CREBBP: variants seen among roughly 807,000 people sequenced by gnomAD.
CREBBP encodes CREB-binding protein.
In CREBBP, 19 loss-of-function variants were observed where a neutral mutation model predicts 265.0. That is an observed-to-expected ratio of 0.07 (90% CI 0.05 to 0.11). CREBBP has a LOEUF of 0.11. CREBBP is among the 10% of genes least tolerant of loss of function. CREBBP has a pLI of 1.00. For synonymous variants in CREBBP, 1,457 were observed against 1,223.7 expected (o/e 1.19, Z -3.98); for missense variants, 2,525 against 3,219.0 (o/e 0.78, Z 5.22).
Position 3,791,789 on chromosome 16 carries a change from T to A in CREBBP, c.1330+192A>T, listed in dbSNP as rs1006435729. 1.4e-4 allele frequency among the ~76,000 whole-genome samples: 22 copies of A among 152,176 alleles called. 1 individual carries two copies. Among genetic ancestry groups the A allele is most frequent in the African/African-American group, 5.3e-4 (22 of 41,454 alleles). On this transcript the variant is annotated intron_variant, in intron 5 of 30. Coordinates refer to ENST00000262367, the MANE Select transcript of CREBBP (RefSeq NM_004380.3). ...GTGAGTGAGTCAGGGTCCAACATTA[T>A]CACAGCCGTTCCTGACACGGAGAGC...
At chr16:3,768,018 C>T in intron 15 of CREBBP, 109 bp from the exon 16 acceptor site, 1 of 986,476 alleles carries the variant, frequency 1.0e-6, no homozygotes, top group South Asian at 1.3e-5. Context: ...AAACCTTCCT[C>T]TAGTCAGAGT....
chr16:3,831,301 T>A (rs904374093), intron 2 of CREBBP, among the ~76,000 whole-genome samples: 6 of 152,168 alleles, frequency 3.9e-5, no homozygotes, highest in African/African-American at 1.4e-4. Context: ...ATGTAAAATA[T>A]AAACATATTT....
At chr16:3,730,088 A>G (rs2051872485) in intron 30 of CREBBP, among the ~76,000 whole-genome samples, 1 of 139,010 alleles carries the variant, frequency 7.2e-6, no homozygotes, top group South Asian at 2.1e-4. Flanking sequence ...GGGATCATGG[A>G]CAACATGGGA....
chr16:3,741,030 G>A (rs1196939644), intron 23 of CREBBP: 2 of 227,854 alleles, frequency 8.8e-6, no homozygotes, highest in South Asian at 6.0e-5. Flanking sequence ...AGCCTGTCCG[G>A]TGCCTCAGGA....
intron 1 of CREBBP, 22 bp downstream of exon 1, chr16:3,879,809 GC>G: frequency 1.7e-6 from 2 of 1,206,016 alleles, no homozygotes; most frequent in Non-Finnish European, 1.2e-6. Context: ...CCGGGCCCCC[GC>G]CGCCCCGGAC....
At chr16:3,866,287 G>A (rs2055177760) in intron 1 of CREBBP, among the ~76,000 whole-genome samples, 1 of 152,204 alleles carries the variant, frequency 6.6e-6, no homozygotes, top group Non-Finnish European at 1.5e-5. Flanking sequence ...TGGCTGTCAT[G>A]TCTTGTGGCT....
intron 5 of CREBBP, among the ~76,000 whole-genome samples, chr16:3,783,841 A>G (rs527441352): frequency 6.6e-6 from 1 of 152,200 alleles, no homozygotes; most frequent in East Asian, 1.9e-4. Flanking sequence ...CTCCATCCCA[A>G]AGGGCTTCCA....
At chr16:3,858,963 T>C (rs2055018082) in intron 1 of CREBBP, among the ~76,000 whole-genome samples, 1 of 152,218 alleles carries the variant, frequency 6.6e-6, no homozygotes, top group African/African-American at 2.4e-5. Flanking sequence ...TTCATACTTC[T>C]CTGCTTTCCC....
intron 11 of CREBBP, among the ~76,000 whole-genome samples, chr16:3,774,943 G>A (rs1406315257): frequency 6.6e-6 from 1 of 152,148 alleles, no homozygotes; most frequent in Non-Finnish European, 1.5e-5. Flanking sequence ...AGGACATGAA[G>A]GCATAAGGTT....
rs780546762 is a variant in CREBBP, at chr16:3,731,188, C to T, written c.5172+4G>A. On this transcript the variant is annotated splice_donor_region_variant and intron_variant, in intron 30 of 30. Transcript: ENST00000262367. The surrounding 1 kb of genome is among the most constrained non-coding windows in gnomAD (Gnocchi z 7.7). The stretch of plus-strand genomic sequence containing the variant: ...GTGGGGGTGGGGGTGGGGGCAGGGC[C>T]TACCTCGCACACAGTGCAGTGCCAG... The T allele has an allele frequency of 3.1e-6, 5 of 1,609,194 alleles. No homozygotes were observed. The highest frequency in any genetic ancestry group is 3.3e-5 in the Admixed American group (2 of 59,962).
At chr16:3,761,397 G>GA (rs1487796183) in intron 16 of CREBBP, among the ~76,000 whole-genome samples, 3 of 152,198 alleles carry the variant, frequency 2.0e-5, no homozygotes, top group African/African-American at 7.2e-5. Flanking sequence ...GTGGGGTGGG[G>GA]ATGGTCTAAC....
At chr16:3,746,376 G>T (rs2052342956) in intron 21 of CREBBP, among the ~76,000 whole-genome samples, 1 of 151,828 alleles carries the variant, frequency 6.6e-6, no homozygotes, top group Non-Finnish European at 1.5e-5. Flanking sequence ...ACACACAAAT[G>T]GCGGCACCCG....
rs201934909 is a variant in CREBBP, at chr16:3,728,975, C to T, written c.6072G>A (p.Ala2024=). 35 of 1,595,478 alleles carry T rather than the reference C, an allele frequency of 2.2e-5. No homozygotes were observed. The East Asian group carries it at 2.5e-4, about 11-fold the overall frequency. ...GCATGGGCTGCTGCTGGGGAAGGGG[C>T]GCCTGCTGCCACTGCCCGGGAGGCA... ...PSMPPGQWQQ[A]PLPQQQPMPG... Residue 2024 remains alanine (A), a synonymous_variant, in exon 31 of 31, where the codon GCG becomes GCA. Coordinates refer to ENST00000262367, the MANE Select transcript of CREBBP (RefSeq NM_004380.3). The surrounding 1 kb of genome is among the most constrained non-coding windows in gnomAD (Gnocchi z 8.7).
chr16:3,862,724 G>A (rs1168641586), intron 1 of CREBBP, among the ~76,000 whole-genome samples: 1 of 151,936 alleles, frequency 6.6e-6, no homozygotes, highest in South Asian at 2.1e-4. Flanking sequence ...CGTACCTACC[G>A]AGGGGCTCCT....
At chr16:3,740,692 C>T (rs1222889988) in intron 23 of CREBBP, 143 bp from the exon 24 acceptor site, 2 of 992,940 alleles carry the variant, frequency 2.0e-6, no homozygotes, top group Non-Finnish European at 1.5e-6. Flanking sequence ...GAAATCTAAT[C>T]TGTCCTGTGA....
chr16:3,859,104 G>A (rs972742333), intron 1 of CREBBP, among the ~76,000 whole-genome samples: 3 of 151,096 alleles, frequency 2.0e-5, no homozygotes, highest in African/African-American at 7.3e-5. Flanking sequence ...CATTACTTTT[G>A]TAATACTGTG....
intron 5 of CREBBP, among the ~76,000 whole-genome samples, chr16:3,786,703 C>G (rs1716904363): frequency 1.3e-5 from 2 of 152,292 alleles, no homozygotes; most frequent in East Asian, 1.9e-4. Flanking sequence ...CTTGAGTCCA[C>G]CTGGTTTTGG....
chr16:3,806,783 G>A (rs2053839383), intron 3 of CREBBP, among the ~76,000 whole-genome samples: 1 of 152,044 alleles, frequency 6.6e-6, no homozygotes, highest in Admixed American at 6.6e-5. Flanking sequence ...CCCCTGAAAT[G>A]GTTCCTGCTC....
At chr16:3,771,286 C>G (rs1321791279) in intron 13 of CREBBP, among the ~76,000 whole-genome samples, 1 of 152,104 alleles carries the variant, frequency 6.6e-6, no homozygotes, top group African/African-American at 2.4e-5. Context: ...CCAGGCTGGT[C>G]TCAAACTCCT....
Sources: allele counts gnomAD v4.1 joint callset (sites outside exome capture counted in the v4.1 genomes callset), GRCh38; gene constraint gnomAD v4.1.1; non-coding constraint Gnocchi (gnomAD v3.1); transcripts MANE v1.5; gene names NCBI Gene and HGNC (gene_info 2026-07-23, HGNC 2026-07-21).